Variants in SPECC1 observed in about 807,000 individuals in gnomAD.
SPECC1 encodes the protein sperm antigen with calponin homology and coiled-coil domains 1, also known as cytospin-B.
A neutral mutation model predicts 104.1 loss-of-function variants in SPECC1; 62 were observed. The ratio of observed to expected loss-of-function variants is 0.60; its 90% CI spans 0.49 to 0.74. The LOEUF (loss-of-function observed/expected upper bound fraction) is 0.74, where lower values mean the gene tolerates loss of function less well. Ranked by LOEUF, SPECC1 falls within the 30% of genes least tolerant of loss-of-function variation. SPECC1 has a pLI of 0.00. For missense variants in SPECC1, 1,306 were observed against 1,310.5 expected (o/e 1.00, Z 0.05); for synonymous variants, 513 against 501.6 (o/e 1.02, Z -0.30).
Position 20,224,905 on chromosome 17 carries a change from G to A in SPECC1, c.1864-2508G>A, listed in dbSNP as rs187104390. On this transcript the variant is annotated intron_variant, in intron 4 of 14. Transcript: ENST00000395527. Reference sequence around the variant, plus strand: ...GGCCACCACAGCTGGGAATGCACTGGGTCACACCTGAAGCCGGTACAGTGT... The same window carrying A: ...GGCCACCACAGCTGGGAATGCACTGAGTCACACCTGAAGCCGGTACAGTGT... 4.6e-5 allele frequency among the ~76,000 whole-genome samples: 7 copies of A among 152,204 alleles called. No homozygotes were observed. In the East Asian group the frequency reaches 9.7e-4, roughly 21 times the overall value.
intron 1 of SPECC1, among the ~76,000 whole-genome samples, chr17:20,032,657 G>C (rs1243307646): frequency 6.6e-6 from 1 of 151,658 alleles, no homozygotes; most frequent in African/African-American, 2.4e-5. Context: ...TCTCTATTTG[G>C]AGTAATATTG....
intron 14 of SPECC1, among the ~76,000 whole-genome samples, chr17:20,308,725 T>G (rs764933562): frequency 7.9e-5 from 12 of 152,176 alleles, no homozygotes; most frequent in Non-Finnish European, 1.8e-4. Flanking sequence ...ATCCCTATTG[T>G]GTATTTACAA....
chr17:20,070,169 A>G (rs1362835543), intron 1 of SPECC1, among the ~76,000 whole-genome samples: 1 of 152,230 alleles, frequency 6.6e-6, no homozygotes, highest in Non-Finnish European at 1.5e-5. Context: ...TGGTGAGAGC[A>G]GAGAGACACC....
At chr17:20,139,330 T>C (rs889375243) in intron 3 of SPECC1, among the ~76,000 whole-genome samples, 2 of 152,228 alleles carry the variant, frequency 1.3e-5, no homozygotes, top group Non-Finnish European at 2.9e-5. Flanking sequence ...GCTGAAAATG[T>C]CTGGGGAATA....
intron 3 of SPECC1, among the ~76,000 whole-genome samples, chr17:20,163,493 AATT>A: frequency 6.6e-6 from 1 of 152,246 alleles, no homozygotes; most frequent in African/African-American, 2.4e-5. Flanking sequence ...TAAATTTAAT[AATT>A]ATTCTAATAA....
chr17:20,039,567 G>A (rs921215533), intron 1 of SPECC1, among the ~76,000 whole-genome samples: 14 of 151,612 alleles, frequency 9.2e-5, no homozygotes, highest in Non-Finnish European at 1.3e-4. Context: ...TTTCTTTTTT[G>A]TTTTTCAACT....
chr17:20,125,180 A>AAAAAAC (rs564056102), intron 3 of SPECC1, among the ~76,000 whole-genome samples: 301 of 133,954 alleles, frequency 2.2e-3, no homozygotes, highest in African/African-American at 8.2e-3. Flanking sequence ...ACTCCATCTC[A>AAAAAAC]AAAAACAAAA....
intron 1 of SPECC1, among the ~76,000 whole-genome samples, chr17:20,023,824 T>G (rs944520336): frequency 5.4e-5 from 8 of 147,664 alleles, no homozygotes; most frequent in African/African-American, 2.0e-4. Context: ...AAAAAAAACA[T>G]GGAAAGCATC....
chr17:20,205,748 G>A lies in SPECC1; in HGVS notation c.1699G>A (p.Glu567Lys). 6.2e-7 allele frequency: 1 copy of A among 1,614,220 alleles called. No individual in the cohort carries two copies. The highest frequency in any genetic ancestry group is 8.5e-7 in the Non-Finnish European group (1 of 1,180,040). The change falls in exon 4 of 15, where the codon GAG becomes AAG. Residue 567 changes from glutamate to lysine, a missense_variant. This residue lies in a region of SPECC1 where 1,177 missense variants were observed against 1,139.9 expected (regional missense o/e 1.03). Transcript: ENST00000395527. ...GCAGGGTGAGAAGCAGAAAGCCACA[G>A]AGGCCAGTGCTGTGGAGCAGACGGC... ...HLQGEKQKATEASAVEQTAES... is the reference protein window; with the variant it reads ...HLQGEKQKATKASAVEQTAES...
intron 1 of SPECC1, among the ~76,000 whole-genome samples, chr17:20,051,104 CTTT>C: frequency 2.3e-4 from 29 of 126,374 alleles, no homozygotes; most frequent in Admixed American, 3.3e-4. Flanking sequence ...TTCTTTCTTT[CTTT>C]CTTTCTTTCT....
intron 9 of SPECC1, among the ~76,000 whole-genome samples, chr17:20,248,082 A>G (rs2039490691): frequency 6.6e-6 from 1 of 152,230 alleles, no homozygotes; most frequent in Admixed American, 6.5e-5. Flanking sequence ...GGTGCAGTCC[A>G]TGCCAGAAAA....
At chr17:20,114,147 T>G (rs189053331) in intron 3 of SPECC1, among the ~76,000 whole-genome samples, 140 of 152,286 alleles carry the variant, frequency 9.2e-4, no homozygotes, top group Middle Eastern at 3.4e-3. Context: ...GTAACACCAA[T>G]CAGTCAGCAC....
intron 3 of SPECC1, among the ~76,000 whole-genome samples, chr17:20,174,136 G>A (rs1445366804): frequency 6.6e-6 from 1 of 151,874 alleles, no homozygotes; most frequent in Non-Finnish European, 1.5e-5. Flanking sequence ...TCACCACGTT[G>A]GTCAGGCTGG....
intron 13 of SPECC1, among the ~76,000 whole-genome samples, chr17:20,301,100 C>T (rs1322653234): frequency 6.6e-6 from 1 of 152,144 alleles, no homozygotes; most frequent in African/African-American, 2.4e-5. Context: ...GTGTGGCTTG[C>T]CCTGGGGGAT....
intron 9 of SPECC1, among the ~76,000 whole-genome samples, chr17:20,251,511 CTG>C (rs1413182153): frequency 6.6e-6 from 1 of 152,126 alleles, no homozygotes; most frequent in African/African-American, 2.4e-5. Context: ...CTTTTGAAAA[CTG>C]TATACCACGA....
At chr17:20,036,811 T>C (rs1040687102) in intron 1 of SPECC1, among the ~76,000 whole-genome samples, 7 of 152,202 alleles carry the variant, frequency 4.6e-5, no homozygotes, top group Admixed American at 3.3e-4. Context: ...CCCTTTCTTA[T>C]CGTTTTGCAC....
At chr17:20,093,726 GT>G (rs10712428) in intron 1 of SPECC1, among the ~76,000 whole-genome samples, 61,941 of 142,452 alleles carry the variant, frequency 0.43, 13,912 homozygotes, top group Middle Eastern at 0.53. Flanking sequence ...TTTTGTTTTT[GT>G]TTTTTGTTTT....
Position 20,205,843 on chromosome 17 carries a change from C to A in SPECC1, c.1794C>A (p.Cys598Ter). The A allele has an allele frequency of 6.2e-7, 1 of 1,614,104 alleles. No individual in the cohort carries two copies. The highest frequency in any genetic ancestry group is 1.7e-5 in the Admixed American group (1 of 60,016). ...AGAAAGATCTACTGGAACTGTCTTG[C>A]AATGAGCTCAGACAAGAATTACTAA... ...RAEKDLLELS[C>*]NELRQELLKA... Residue 598 changes from cysteine (C) to a stop codon, truncating the protein, a stop_gained, in exon 4 of 15, where the codon TGC (cysteine) becomes TGA (stop). Transcript: ENST00000395527. LOFTEE classifies it high-confidence loss of function.
At chr17:20,058,234 C>G (rs2046042125) in intron 1 of SPECC1, among the ~76,000 whole-genome samples, 1 of 152,114 alleles carries the variant, frequency 6.6e-6, no homozygotes, top group African/African-American at 2.4e-5. Context: ...CACCTTTCTC[C>G]TTAGTATCAC....
Sources: allele counts gnomAD v4.1 joint callset (sites outside exome capture counted in the v4.1 genomes callset), GRCh38; gene constraint gnomAD v4.1.1; regional missense constraint gnomAD v4.1.1; transcripts MANE v1.5; gene names NCBI Gene and HGNC (gene_info 2026-07-23, HGNC 2026-07-21).